The following CERS6 variants were observed in gnomAD, a reference collection of about 807,000 sequenced individuals.
CERS6 encodes ceramide synthase 6.
In CERS6, 26 loss-of-function variants were observed where a neutral mutation model predicts 56.8. That is an observed-to-expected ratio of 0.46 (90% CI 0.34 to 0.63). The LOEUF is 0.63. Ranked by LOEUF, CERS6 falls within the 30% of genes least tolerant of loss-of-function variation. The pLI is 0.01. For missense variants in CERS6, 415 were observed against 467.5 expected (o/e 0.89, Z 1.04); for synonymous variants, 164 against 173.3 (o/e 0.95, Z 0.42).
intron 1 of CERS6, among the ~76,000 whole-genome samples, chr2:168,531,104 A>G (rs779796850): frequency 2.6e-5 from 4 of 152,204 alleles, no homozygotes; most frequent in Non-Finnish European, 5.9e-5. Context: ...TATAGGATTC[A>G]GGCTGTTTAT....
At chr2:168,476,177 C>A (rs1468841274) in intron 1 of CERS6, among the ~76,000 whole-genome samples, 2 of 151,256 alleles carry the variant, frequency 1.3e-5, no homozygotes, top group African/African-American at 4.9e-5. Flanking sequence ...CAGCTTCCAG[C>A]CAGTACATTA....
At chr2:168,647,257 T>A (rs1402854668) in intron 4 of CERS6, among the ~76,000 whole-genome samples, 1 of 152,340 alleles carries the variant, frequency 6.6e-6, no homozygotes, top group East Asian at 1.9e-4. Context: ...CCTGTATTCC[T>A]TGGTATTTTA....
chr2:168,693,062 A>C (rs1686545690), intron 5 of CERS6, among the ~76,000 whole-genome samples: 2 of 152,164 alleles, frequency 1.3e-5, no homozygotes, highest in African/African-American at 4.8e-5. Flanking sequence ...TTTCATATAC[A>C]TGTGTATATT....
chr2:168,600,635 A>T (rs1027113601), intron 3 of CERS6, among the ~76,000 whole-genome samples: 1 of 152,134 alleles, frequency 6.6e-6, no homozygotes, highest in African/African-American at 2.4e-5. Context: ...TCACTCTGAA[A>T]CCTAAAGACA....
At chr2:168,500,344 A>G (rs2105344570) in intron 1 of CERS6, among the ~76,000 whole-genome samples, 1 of 152,322 alleles carries the variant, frequency 6.6e-6, no homozygotes, top group Non-Finnish European at 1.5e-5. Context: ...GGGTGGTCAT[A>G]TTTGGCTGTG....
intron 1 of CERS6, among the ~76,000 whole-genome samples, chr2:168,546,192 A>C (rs963324402): frequency 1.3e-5 from 2 of 152,238 alleles, no homozygotes; most frequent in Admixed American, 1.3e-4. Flanking sequence ...GAGAAGGGCC[A>C]GAGTCGTTAG....
chr2:168,500,144 C>T (rs1694554120), intron 1 of CERS6, among the ~76,000 whole-genome samples: 1 of 152,166 alleles, frequency 6.6e-6, no homozygotes. Context: ...GGTCGCTTCT[C>T]TCACAAGCTT....
At chr2:168,626,368 C>T (rs1471128685) in intron 3 of CERS6, among the ~76,000 whole-genome samples, 1 of 152,128 alleles carries the variant, frequency 6.6e-6, no homozygotes, top group Non-Finnish European at 1.5e-5. Flanking sequence ...CCTGCTTCTG[C>T]TGCCTCTGTA....
At chr2:168,683,681 C>T (rs1465037685) in intron 4 of CERS6, among the ~76,000 whole-genome samples, 1 of 152,148 alleles carries the variant, frequency 6.6e-6, no homozygotes, top group Admixed American at 6.6e-5. Context: ...GTCTCTTTCT[C>T]CCTAATTCCT....
At chr2:168,710,270 A>C (rs1378168389) in intron 6 of CERS6, among the ~76,000 whole-genome samples, 2 of 152,226 alleles carry the variant, frequency 1.3e-5, no homozygotes, top group Non-Finnish European at 2.9e-5. Context: ...AATCCTCCAT[A>C]AGTGTTTTAA....
rs59967315 is a variant in CERS6, at chr2:168,739,052, A to ATTTT, written c.845+21100_845+21103dup. On this transcript the variant is annotated intron_variant, in intron 8 of 9. Transcript: ENST00000305747. ...AGGCACATGCTGCCACACCCGGCTA[A>ATTTT]TTTTTTTTTTTTTTTTTTTTTTTTT... is the stretch of plus-strand genomic sequence containing the variant. Among the ~76,000 whole-genome samples the ATTTT allele has an allele frequency of 9.0e-4, 79 of 87,644 alleles. 1 individual carries two copies. Among genetic ancestry groups the ATTTT allele is most frequent in the African/African-American group, 1.8e-3 (37 of 20,250 alleles). 57.5% of individuals were successfully genotyped at this position (87,644 alleles called of 152,430 possible). A position where few individuals can be genotyped will look rare whatever the true frequency, so the allele number is the denominator to read the frequency against.
At chr2:168,715,411 A>G (rs1011367966) in intron 7 of CERS6, among the ~76,000 whole-genome samples, 1 of 152,204 alleles carries the variant, frequency 6.6e-6, no homozygotes, top group East Asian at 1.9e-4. Context: ...TCATTATTTG[A>G]TTAGGTTTTG....
Position 168,456,826 on chromosome 2 carries a change from G to A in CERS6, c.170+208G>A, listed in dbSNP as rs888194686. Among the ~76,000 whole-genome samples, 5 of 152,158 alleles carry A rather than the reference G, an allele frequency of 3.3e-5. No individual in the cohort carries two copies. Among genetic ancestry groups the A allele is most frequent in the African/African-American group, 7.2e-5 (3 of 41,456 alleles). On this transcript the variant is annotated intron_variant, in intron 1 of 9. Coordinates refer to ENST00000305747, the MANE Select transcript of CERS6 (RefSeq NM_203463.3). The surrounding 1 kb of genome is among the most constrained non-coding windows in gnomAD (Gnocchi z 4.1). ...TCTGGCTTGCCACGGATTTCCTCCC[G>A]GGCGCCGGGGAGGAGCCGCGGAGCG...
intron 2 of CERS6, among the ~76,000 whole-genome samples, chr2:168,550,808 A>G (rs1057117231): frequency 8.5e-5 from 13 of 152,150 alleles, no homozygotes; most frequent in African/African-American, 3.1e-4. Context: ...CACCACATGC[A>G]CTGGGGTAGC....
intron 8 of CERS6, 54 bp downstream of exon 8, chr2:168,718,032 T>C (rs1260681943): frequency 5.4e-6 from 7 of 1,296,830 alleles, no homozygotes; most frequent in African/African-American, 1.5e-5. Flanking sequence ...ATAAGCTTTC[T>C]GAACCATTTT....
At chr2:168,476,615 T>C (rs10182912) in intron 1 of CERS6, among the ~76,000 whole-genome samples, 27,702 of 152,032 alleles carry the variant, frequency 0.18, 3,266 homozygotes, top group Non-Finnish European at 0.26. Flanking sequence ...ATCAGTACCT[T>C]GGCTCAGTCT....
At chr2:168,602,717 C>T (rs1474696243) in intron 3 of CERS6, among the ~76,000 whole-genome samples, 4 of 152,104 alleles carry the variant, frequency 2.6e-5, no homozygotes, top group Non-Finnish European at 5.9e-5. Context: ...TCTGATGAAG[C>T]GAAGTTCAGG....
intron 1 of CERS6, among the ~76,000 whole-genome samples, chr2:168,476,092 T>A (rs1694063901): frequency 6.6e-6 from 1 of 152,206 alleles, no homozygotes; most frequent in Non-Finnish European, 1.5e-5. Context: ...TTTCTCTTTC[T>A]GAGGTACAGA....
At chr2:168,649,561 T>C (rs1685292899) in intron 4 of CERS6, among the ~76,000 whole-genome samples, 1 of 152,150 alleles carries the variant, frequency 6.6e-6, no homozygotes, top group South Asian at 2.1e-4. Flanking sequence ...TCCTTCTGTA[T>C]TTTTTTAACC....
Sources: gnomAD v4.1 joint callset for allele counts (sites outside exome capture counted in the v4.1 genomes callset) on GRCh38, gnomAD v4.1.1 for gene constraint, Gnocchi (gnomAD v3.1) non-coding constraint, MANE v1.5 for transcripts, NCBI Gene and HGNC (gene_info 2026-07-23, HGNC 2026-07-21) for gene names.